VCAN: variants seen among roughly 807,000 people sequenced by gnomAD.
VCAN encodes the protein versican core protein.
In VCAN, 44 loss-of-function variants were observed where a neutral mutation model predicts 245.5. The observed-to-expected ratio is 0.18, with a 90% CI of 0.14 to 0.23. The LOEUF (loss-of-function observed/expected upper bound fraction) is 0.23. Among genes scored for constraint, VCAN ranks in the 10% least tolerant of loss-of-function variants. VCAN has a pLI of 1.00. For synonymous variants in VCAN, 1,413 were observed against 1,437.0 expected, an observed-to-expected ratio of 0.98 and a Z score of 0.38; for missense variants, 3,793 against 4,057.9, an observed-to-expected ratio of 0.93 and a Z score of 1.77.
chr5:83,504,228 A>AT (rs1745415048), intron 5 of VCAN, among the ~76,000 whole-genome samples: 1 of 152,228 alleles, frequency 6.6e-6, no homozygotes, highest in East Asian at 1.9e-4. Flanking sequence ...TGTCAAAGCT[A>AT]TAAGTATTTA....
chr5:83,541,231 A>G lies in VCAN; in HGVS notation c.8228A>G (p.Gln2743Arg). The G allele has an allele frequency of 1.2e-6, 2 of 1,613,958 alleles. No homozygotes were observed. Among genetic ancestry groups the G allele is most frequent in the Non-Finnish European group, 1.7e-6 (2 of 1,179,996 alleles). Residue 2743 changes from glutamine to arginine, a missense_variant, in exon 8 of 15, where the codon CAA becomes CGA. This residue lies in a region of VCAN where 3,182 missense variants were observed against 3,250.3 expected (regional missense o/e 0.98). Coordinates refer to ENST00000265077, the MANE Select transcript of VCAN (RefSeq NM_004385.5). ...AGTGAAATAATACCAACATTGGGCCAATTTGAAAGGACTCAGGAGGAGTAT... is the reference window on the plus strand; with the variant it reads ...AGTGAAATAATACCAACATTGGGCCGATTTGAAAGGACTCAGGAGGAGTAT... Reference protein sequence around the residue: ...DQSEIIPTLGQFERTQEEYED... With the variant: ...DQSEIIPTLGRFERTQEEYED...
rs766706928 is a variant in VCAN at position 83,483,532 on chromosome 5, T to C, written c.14T>C (p.Ile5Thr). 1.4e-5 allele frequency: 22 copies of C among 1,613,374 alleles called. No homozygotes were observed. The highest frequency in any genetic ancestry group is 1.9e-5 in the Non-Finnish European group (22 of 1,179,610). ...TTCTAGGCCAAGATGTTCATAAATA[T>C]AAAGAGCATCTTATGGATGTGTTCA... is the stretch of plus-strand genomic sequence containing the variant. Reference protein sequence around the residue: MFINIKSILWMCSTL... With the variant: MFINTKSILWMCSTL... The change falls in exon 2 of 15, where the codon ATA becomes ACA. Residue 5 changes from isoleucine (I) to threonine (T), a missense_variant. Around this residue, in one of 5 missense-constraint regions of VCAN, gnomAD observed 179 missense variants for 169.7 expected, o/e 1.05. Transcript: ENST00000265077.
intron 5 of VCAN, among the ~76,000 whole-genome samples, chr5:83,508,118 T>C (rs952931827): frequency 1.3e-5 from 2 of 152,200 alleles, no homozygotes; most frequent in East Asian, 3.9e-4. Context: ...CTCATTCCCC[T>C]TTTTGCTCAC....
intron 6 of VCAN, among the ~76,000 whole-genome samples, chr5:83,514,907 A>G (rs1468022619): frequency 6.6e-6 from 1 of 152,218 alleles, no homozygotes; most frequent in Non-Finnish European, 1.5e-5. Flanking sequence ...GTGATTTCAG[A>G]GATATACAGC....
intron 2 of VCAN, among the ~76,000 whole-genome samples, chr5:83,486,535 GA>G (rs1372875905): frequency 6.6e-6 from 1 of 152,194 alleles, no homozygotes; most frequent in Non-Finnish European, 1.5e-5. Context: ...TGAAGATGGA[GA>G]AAGGGATATG....
intron 1 of VCAN, among the ~76,000 whole-genome samples, chr5:83,480,348 G>A (rs1305529076): frequency 2.0e-5 from 3 of 152,132 alleles, no homozygotes; most frequent in African/African-American, 7.2e-5. Flanking sequence ...TTTAAATTGA[G>A]TAGGAAACTC....
At chr5:83,566,764 T>G (rs1206761024) in intron 12 of VCAN, among the ~76,000 whole-genome samples, 1 of 152,236 alleles carries the variant, frequency 6.6e-6, no homozygotes, top group Non-Finnish European at 1.5e-5. Flanking sequence ...TCATGTGCAC[T>G]GCAGAAGACC....
At chr5:83,500,015 G>A (rs1330516625) in intron 5 of VCAN, among the ~76,000 whole-genome samples, 6 of 152,100 alleles carry the variant, frequency 3.9e-5, no homozygotes, top group South Asian at 2.1e-4. Flanking sequence ...ATCAGATATC[G>A]CATCTGGAGA....
rs180690765 is a variant in VCAN, at chr5:83,519,092, G to T, written c.1043-257G>T. ...TATTAATTTTCCTCAACTGGTAACA[G>T]TCATGCATACTTTTAGGTAAAAGCA... On this transcript the variant is annotated intron_variant, in intron 6 of 14. Coordinates refer to ENST00000265077, the MANE Select transcript of VCAN (RefSeq NM_004385.5). Among the ~76,000 whole-genome samples, 317 of 152,280 alleles carry T rather than the reference G, an allele frequency of 2.1e-3. 2 individuals are homozygous for T. Among genetic ancestry groups the T allele is most frequent in the Non-Finnish European group, 3.9e-3 (262 of 68,030 alleles).
chr5:83,568,986 A>G (rs1242961748), intron 12 of VCAN, among the ~76,000 whole-genome samples: 1 of 152,154 alleles, frequency 6.6e-6, no homozygotes, highest in African/African-American at 2.4e-5. Flanking sequence ...TAATGTAATA[A>G]TTTAACACTT....
At chr5:83,558,884 CA>C (rs1381531709) in intron 12 of VCAN, among the ~76,000 whole-genome samples, 6 of 152,090 alleles carry the variant, frequency 3.9e-5, no homozygotes, top group Non-Finnish European at 8.8e-5. Context: ...CAATAAATTT[CA>C]CAAAAGTGAA....
At position 83,471,814 on chromosome 5, in the gene VCAN, C is replaced by A. The variant is rs1225621796; in HGVS notation, c.-216C>A. 2.5e-6 allele frequency: 1 copy of A among 398,692 alleles called. No homozygotes were observed. 24.7% of individuals were successfully genotyped at this position (398,692 alleles called of 1,614,324 possible). A position where few individuals can be genotyped will look rare whatever the true frequency, so the allele number is the denominator to read the frequency against. On this transcript the variant is annotated 5_prime_UTR_variant, in exon 1 of 15. Coordinates refer to ENST00000265077, the MANE Select transcript of VCAN (RefSeq NM_004385.5). ...AACTCCAGGCGTGCGGACGCAACAG[C>A]CGAGAACATTAGGTGTTGTGGACAG...
rs769983691 is a variant in VCAN, at chr5:83,490,203, G to T, written c.176G>T (p.Ser59Ile). 1.2e-6 allele frequency: 2 copies of T among 1,614,148 alleles called. No homozygotes were observed. Among genetic ancestry groups the T allele is most frequent in the Non-Finnish European group, 8.5e-7 (1 of 1,180,022 alleles). The change falls in exon 3 of 15, where the codon AGT (serine) becomes ATT (isoleucine). Residue 59 changes from serine (S) to isoleucine (I), a missense_variant. This residue lies in a region of VCAN where 179 missense variants were observed against 169.7 expected (regional missense o/e 1.05). Transcript: ENST00000265077. Reference sequence around the variant, plus strand: ...ACTTTGCCACCCAGTTACAACACCAGTGAATTTCTCCGCATCAAATGGTCT... The same window carrying T: ...ACTTTGCCACCCAGTTACAACACCATTGAATTTCTCCGCATCAAATGGTCT... ...MPTLPPSYNT[S>I]EFLRIKWSKI...
chr5:83,472,594 AC>A (rs1461089309), intron 1 of VCAN, among the ~76,000 whole-genome samples: 3 of 152,066 alleles, frequency 2.0e-5, no homozygotes, highest in Non-Finnish European at 2.9e-5. Flanking sequence ...GCAGCCTGGG[AC>A]CTTGCGCGGA....
At position 83,521,645 on chromosome 5, in the gene VCAN, A is replaced by T; in HGVS notation, c.3339A>T (p.Lys1113Asn). The change falls in exon 7 of 15, where the codon AAA (lysine) becomes AAT (asparagine). Residue 1113 changes from lysine to asparagine, a missense_variant. Coordinates refer to ENST00000265077, the MANE Select transcript of VCAN (RefSeq NM_004385.5). ...SYPPGAVTEHKVKTDEVVTLT... is the reference protein window; with the variant it reads ...SYPPGAVTEHNVKTDEVVTLT... ...CACCAGGTGCTGTAACTGAGCACAA[A>T]GTGAAAACAGATGAAGTGGTAACAC... 1 of 1,613,928 alleles carries T rather than the reference A, an allele frequency of 6.2e-7. No individual in the cohort carries two copies. The highest frequency in any genetic ancestry group is 8.5e-7 in the Non-Finnish European group (1 of 1,180,026).
chr5:83,520,312 C>T lies in VCAN; in HGVS notation c.2006C>T (p.Ser669Phe). 2 of 1,613,758 alleles carry T rather than the reference C, an allele frequency of 1.2e-6. No homozygotes were observed. Among genetic ancestry groups the T allele is most frequent in the Non-Finnish European group, 1.7e-6 (2 of 1,179,944 alleles). Reference protein sequence around the residue: ...SGDKILVEGISTVIYPSLQTE... With the variant: ...SGDKILVEGIFTVIYPSLQTE... ...GATAAAATATTAGTAGAGGGAATTT[C>T]CACAGTTATTTATCCTTCTCTACAA... The change falls in exon 7 of 15, where the codon TCC (serine) becomes TTC (phenylalanine). Residue 669 changes from serine (S) to phenylalanine (F), a missense_variant. By Grantham distance (155) the Ser-to-Phe change is radical (BLOSUM62 -2). Around this residue, in one of 5 missense-constraint regions of VCAN, gnomAD observed 3,182 missense variants for 3,250.3 expected, o/e 0.98. Transcript: ENST00000265077.
intron 7 of VCAN, among the ~76,000 whole-genome samples, chr5:83,526,669 T>C (rs1200333582): frequency 1.3e-5 from 2 of 152,254 alleles, no homozygotes; most frequent in African/African-American, 2.4e-5. Flanking sequence ...TATATCTTTA[T>C]CTCATTACAA....
chr5:83,496,253 A>G (rs1745157014), intron 5 of VCAN, among the ~76,000 whole-genome samples: 1 of 152,200 alleles, frequency 6.6e-6, no homozygotes, highest in African/African-American at 2.4e-5. Context: ...GGGATTTACT[A>G]GTCTTATAGA....
In VCAN at chr5:83,581,005, T is replaced by C. The variant is rs1301101054; in HGVS notation, c.*571T>C. The C allele has an allele frequency of 2.3e-5, 4 of 173,318 alleles. No homozygotes were observed. Among genetic ancestry groups the C allele is most frequent in the African/African-American group, 9.6e-5 (4 of 41,606 alleles). The allele number at this position is 173,318 out of a possible 1,614,324, so 10.7% of individuals were successfully genotyped here. On this transcript the variant is annotated 3_prime_UTR_variant, in exon 15 of 15. Coordinates refer to ENST00000265077, the MANE Select transcript of VCAN (RefSeq NM_004385.5). ...ACAAAATCTTGTAGGTCATTGCACC[T>C]ATCTCAGCCATAGGTGCAGTTTGCT...
Sources: gnomAD v4.1 joint callset for allele counts (sites outside exome capture counted in the v4.1 genomes callset) on GRCh38, gnomAD v4.1.1 for gene constraint, gnomAD v4.1.1 regional missense constraint, MANE v1.5 for transcripts, NCBI Gene and HGNC (gene_info 2026-07-23, HGNC 2026-07-21) for gene names.